MSI2: variants seen among roughly 807,000 people sequenced by gnomAD.
MSI2 encodes musashi RNA binding protein 2, also known as RNA-binding protein Musashi homolog 2.
Under a neutral mutation model 45.6 loss-of-function variants are expected in MSI2, and 17 were observed. The observed-to-expected ratio is 0.37, with a 90% CI of 0.26 to 0.56. MSI2 has a LOEUF of 0.56. Ranked by LOEUF, MSI2 falls within the 20% of genes least tolerant of loss-of-function variation. MSI2 has a pLI of 0.77. For synonymous variants in MSI2, 156 were observed against 158.2 expected, an observed-to-expected ratio of 0.99 and a Z score of 0.11; for missense variants, 293 against 444.2, an observed-to-expected ratio of 0.66 and a Z score of 3.06.
At chr17:57,526,971 T>C (rs893997671) in intron 6 of MSI2, among the ~76,000 whole-genome samples, 4 of 152,086 alleles carry the variant, frequency 2.6e-5, no homozygotes, top group Non-Finnish European at 5.9e-5. Flanking sequence ...GGAGCGAATG[T>C]TGAGAGGGCG....
At chr17:57,501,814 G>A (rs554504380) in intron 6 of MSI2, among the ~76,000 whole-genome samples, 1 of 152,256 alleles carries the variant, frequency 6.6e-6, no homozygotes, top group African/African-American at 2.4e-5. Context: ...ACATGTCTTG[G>A]GTTTTTCAGG....
intron 6 of MSI2, among the ~76,000 whole-genome samples, chr17:57,524,569 G>A (rs1359538452): frequency 6.6e-6 from 1 of 152,238 alleles, no homozygotes; most frequent in Admixed American, 6.5e-5. Flanking sequence ...GTGAATAAGA[G>A]TTTATCTGTT....
At chr17:57,332,122 A>G (rs1398672420) in intron 5 of MSI2, among the ~76,000 whole-genome samples, 1 of 149,080 alleles carries the variant, frequency 6.7e-6, no homozygotes, top group Non-Finnish European at 1.5e-5. Flanking sequence ...TTTTTTTGAA[A>G]TGGAGTCTCA....
At chr17:57,300,498 C>T (rs1208413634) in intron 5 of MSI2, among the ~76,000 whole-genome samples, 5 of 152,118 alleles carry the variant, frequency 3.3e-5, no homozygotes, top group African/African-American at 4.8e-5. Flanking sequence ...ATATGATTTA[C>T]AAATGTGAGA....
At chr17:57,320,870 C>T (rs1485285333) in intron 5 of MSI2, among the ~76,000 whole-genome samples, 1 of 152,006 alleles carries the variant, frequency 6.6e-6, no homozygotes, top group African/African-American at 2.4e-5. Context: ...CTGTCTCAGC[C>T]ATATATGTGG....
Position 57,536,278 on chromosome 17 carries a change from TACATGTGA to T in MSI2, c.454+6555_454+6562del, listed in dbSNP as rs2086917910. ...AAGAACGTTGGGACTGTATAAGCTG[TACATGTGA>T]CTTTGTAGGATGGAGGAATAAGTGT... On this transcript the variant is annotated intron_variant, in intron 7 of 13. Transcript: ENST00000284073. 3.9e-5 allele frequency among the ~76,000 whole-genome samples: 6 copies of T among 152,242 alleles called. No individual in the cohort carries two copies. In the South Asian group the frequency reaches 1.2e-3, roughly 32 times the overall value.
rs912202616 is a variant in MSI2, at chr17:57,286,819, CAG to C, written c.312+24629_312+24630del. Among the ~76,000 whole-genome samples the C allele has an allele frequency of 2.6e-5, 4 of 152,074 alleles. No homozygotes were observed. The South Asian group carries it at 6.2e-4, about 24-fold the overall frequency. Reference sequence around the variant, plus strand: ...TTTATTTATTTTTCTGGTGAACAAACAGAATTAGGAAAGGTGTGTTCTTCCAG... The same window carrying C: ...TTTATTTATTTTTCTGGTGAACAAACAATTAGGAAAGGTGTGTTCTTCCAG... On this transcript the variant is annotated intron_variant, in intron 5 of 13. Coordinates refer to ENST00000284073, the MANE Select transcript of MSI2 (RefSeq NM_138962.4).
chr17:57,438,800 A>ATTTT (rs374684092), intron 6 of MSI2, among the ~76,000 whole-genome samples: 30,808 of 144,700 alleles, frequency 0.21, 3,691 homozygotes, highest in South Asian at 0.29. Context: ...TCCCATAGGA[A>ATTTT]TTTTTTTTTT....
intron 5 of MSI2, among the ~76,000 whole-genome samples, chr17:57,302,673 G>A (rs1351941624): frequency 6.6e-6 from 1 of 152,198 alleles, no homozygotes; most frequent in Non-Finnish European, 1.5e-5. Context: ...TTTTGGGAGT[G>A]TCTATTAGCT....
At chr17:57,416,886 C>A (rs1259674568) in intron 6 of MSI2, among the ~76,000 whole-genome samples, 3 of 152,192 alleles carry the variant, frequency 2.0e-5, no homozygotes. Flanking sequence ...GCTTGTCCAA[C>A]CATCCTTGCA....
At chr17:57,593,394 G>A (rs761241505) in intron 7 of MSI2, among the ~76,000 whole-genome samples, 5 of 152,160 alleles carry the variant, frequency 3.3e-5, no homozygotes, top group East Asian at 1.9e-4. Flanking sequence ...GGGGACAGTC[G>A]TTCCTTGCCT....
chr17:57,376,323 T>C (rs1395285709), intron 5 of MSI2, among the ~76,000 whole-genome samples: 1 of 152,202 alleles, frequency 6.6e-6, no homozygotes, highest in Non-Finnish European at 1.5e-5. Flanking sequence ...AGAGTCTTGC[T>C]CAGGGCCAAG....
intron 6 of MSI2, among the ~76,000 whole-genome samples, chr17:57,514,941 A>T (rs1003057198): frequency 6.6e-6 from 1 of 152,150 alleles, no homozygotes; most frequent in African/African-American, 2.4e-5. Flanking sequence ...GGCCAACTGA[A>T]ATGTCAGGCC....
intron 6 of MSI2, among the ~76,000 whole-genome samples, chr17:57,415,309 T>A (rs958150273): frequency 6.6e-6 from 1 of 152,152 alleles, no homozygotes; most frequent in African/African-American, 2.4e-5. Flanking sequence ...TGTTTGTGGG[T>A]ACATTTTTGC....
intron 6 of MSI2, among the ~76,000 whole-genome samples, chr17:57,414,889 C>T (rs1015604454): frequency 2.0e-4 from 30 of 152,042 alleles, no homozygotes; most frequent in East Asian, 1.9e-4. Context: ...TTTTCAGAGT[C>T]GGTAGATTCT....
At chr17:57,560,340 G>T (rs1338793766) in intron 7 of MSI2, among the ~76,000 whole-genome samples, 1 of 152,206 alleles carries the variant, frequency 6.6e-6, no homozygotes, top group Non-Finnish European at 1.5e-5. Context: ...CTCCTGGGAT[G>T]GGGGACTTGC....
At chr17:57,272,935 A>T (rs1267744849) in intron 5 of MSI2, among the ~76,000 whole-genome samples, 1 of 152,216 alleles carries the variant, frequency 6.6e-6, no homozygotes, top group Non-Finnish European at 1.5e-5. Flanking sequence ...CTTTCAACTC[A>T]GTTCCCTCTG....
chr17:57,347,872 A>G (rs183518056), intron 5 of MSI2, among the ~76,000 whole-genome samples: 62 of 152,226 alleles, frequency 4.1e-4, no homozygotes, highest in African/African-American at 1.4e-3. Context: ...TCTTCTGTTC[A>G]CTGAACCAAC....
At chr17:57,474,290 T>C (rs2085496242) in intron 6 of MSI2, among the ~76,000 whole-genome samples, 1 of 152,306 alleles carries the variant, frequency 6.6e-6, no homozygotes, top group African/African-American at 2.4e-5. Flanking sequence ...TAATTTTCAT[T>C]GTACCCATCT....
Sources: gnomAD v4.1 joint callset for allele counts (sites outside exome capture counted in the v4.1 genomes callset) on GRCh38, gnomAD v4.1.1 for gene constraint, MANE v1.5 for transcripts, NCBI Gene and HGNC (gene_info 2026-07-23, HGNC 2026-07-21) for gene names.